Variants in AGBL4 observed in about 807,000 individuals in gnomAD.
The protein encoded by AGBL4 is AGBL carboxypeptidase 4.
A neutral mutation model predicts 66.4 loss-of-function variants in AGBL4; 58 were observed. The observed-to-expected ratio is 0.87, with a 90% CI of 0.71 to 1.09. The LOEUF is 1.09. Ranked by LOEUF, AGBL4 falls within the 50% of genes least tolerant of loss-of-function variation. The pLI is 0.00. For missense variants in AGBL4, 579 were observed against 631.0 expected, an observed-to-expected ratio of 0.92 and a Z score of 0.88; for synonymous variants, 234 against 222.9, an observed-to-expected ratio of 1.05 and a Z score of -0.44.
At chr1:48,788,113 C>T (rs1645452411) in intron 6 of AGBL4, among the ~76,000 whole-genome samples, 1 of 152,240 alleles carries the variant, frequency 6.6e-6, no homozygotes, top group African/African-American at 2.4e-5. Context: ...AAATCTATGA[C>T]TCTCAGTTTC....
At chr1:48,587,232 T>A (rs1417012679) in intron 10 of AGBL4, 66 bp from the exon 11 acceptor site, 3 of 1,473,188 alleles carry the variant, frequency 2.0e-6, no homozygotes, top group African/African-American at 2.8e-5. Flanking sequence ...GTGGGCAAAT[T>A]TTACAACACC....
chr1:48,770,978 C>A (rs1011691210), intron 6 of AGBL4, among the ~76,000 whole-genome samples: 10 of 152,204 alleles, frequency 6.6e-5, no homozygotes, highest in African/African-American at 2.4e-4. Context: ...CACTAAACAA[C>A]TGTTTGAATG....
At chr1:49,745,091 A>C (rs1650879949) in intron 2 of AGBL4, among the ~76,000 whole-genome samples, 1 of 152,128 alleles carries the variant, frequency 6.6e-6, no homozygotes, top group Non-Finnish European at 1.5e-5. Context: ...AAATGGATTA[A>C]GCACTCCAAT....
intron 6 of AGBL4, among the ~76,000 whole-genome samples, chr1:48,840,597 G>C (rs1161771980): frequency 2.6e-5 from 4 of 152,096 alleles, no homozygotes; most frequent in Non-Finnish European, 5.9e-5. Flanking sequence ...CAATTAGACT[G>C]GTGAGAATAA....
intron 5 of AGBL4, among the ~76,000 whole-genome samples, chr1:48,874,183 G>A (rs922004895): frequency 1.6e-4 from 24 of 152,256 alleles, no homozygotes; most frequent in Admixed American, 7.2e-4. Context: ...AGGCGCCACA[G>A]GGGCATAAGC....
intron 6 of AGBL4, among the ~76,000 whole-genome samples, chr1:48,823,432 T>G (rs1646358716): frequency 6.6e-6 from 1 of 152,234 alleles, no homozygotes; most frequent in South Asian, 2.1e-4. Context: ...GACTGAGTAC[T>G]CTGGTGATTT....
Position 49,335,160 on chromosome 1 carries a change from A to G in AGBL4, c.283-89296T>C, listed in dbSNP as rs910828540. 3.9e-5 allele frequency among the ~76,000 whole-genome samples: 6 copies of G among 152,194 alleles called. No individual in the cohort carries two copies. The East Asian group carries it at 9.6e-4, about 24-fold the overall frequency. ...ATCTGCTTCTCCCACAGCCTTCTCC[A>G]TTTCAGTAACTGACACGACACAACC... On this transcript the variant is annotated intron_variant, in intron 3 of 13. Transcript: ENST00000371839.
At chr1:49,409,627 G>T (rs746930545) in intron 3 of AGBL4, among the ~76,000 whole-genome samples, 1 of 152,044 alleles carries the variant, frequency 6.6e-6, no homozygotes, top group Non-Finnish European at 1.5e-5. Context: ...TTACTCTGGC[G>T]CTGACTATCT....
chr1:49,707,567 T>G (rs1447154006), intron 2 of AGBL4, among the ~76,000 whole-genome samples: 1 of 152,082 alleles, frequency 6.6e-6, no homozygotes, highest in South Asian at 2.1e-4. Flanking sequence ...AGGTTAGTAT[T>G]GTAATATGTG....
chr1:48,612,908 C>A (rs576207913), intron 9 of AGBL4, among the ~76,000 whole-genome samples: 2 of 152,158 alleles, frequency 1.3e-5, no homozygotes, highest in Middle Eastern at 3.4e-3. Flanking sequence ...CCAAGGCGGG[C>A]GGATCACCTG....
intron 3 of AGBL4, among the ~76,000 whole-genome samples, chr1:49,362,080 T>C (rs1644148836): frequency 6.6e-6 from 1 of 152,306 alleles, no homozygotes; most frequent in Non-Finnish European, 1.5e-5. Context: ...TCAACCTTGA[T>C]TTTTCCCATT....
At chr1:49,939,208 C>G (rs1267577558) in intron 1 of AGBL4, among the ~76,000 whole-genome samples, 1 of 151,270 alleles carries the variant, frequency 6.6e-6, no homozygotes, top group African/African-American at 2.4e-5. Context: ...AAAGAGGATA[C>G]AAACAAATGG....
intron 5 of AGBL4, among the ~76,000 whole-genome samples, chr1:48,949,738 T>G (rs1301172499): frequency 2.6e-5 from 4 of 152,108 alleles, no homozygotes; most frequent in Non-Finnish European, 5.9e-5. Flanking sequence ...TGGCCAATGC[T>G]CCATCCCCAA....
chr1:49,862,226 T>A (rs2148087722), intron 1 of AGBL4, among the ~76,000 whole-genome samples: 1 of 151,872 alleles, frequency 6.6e-6, no homozygotes, highest in South Asian at 2.1e-4. Context: ...AAGCAGAAAT[T>A]CTAAAGCTGA....
At chr1:50,022,614 C>CCACACA (rs10588611) in intron 1 of AGBL4, among the ~76,000 whole-genome samples, 34 of 141,304 alleles carry the variant, frequency 2.4e-4, no homozygotes, top group South Asian at 4.9e-4. Flanking sequence ...TGTACCATAA[C>CCACACA]CACACACACA....
intron 4 of AGBL4, among the ~76,000 whole-genome samples, chr1:49,095,747 C>T (rs1645085572): frequency 1.3e-5 from 2 of 151,526 alleles, no homozygotes; most frequent in Non-Finnish European, 2.9e-5. Flanking sequence ...TAGAAGAAAA[C>T]CTAGGCAATA....
At chr1:49,499,614 CT>C (rs1451466547) in intron 3 of AGBL4, among the ~76,000 whole-genome samples, 2 of 151,626 alleles carry the variant, frequency 1.3e-5, no homozygotes, top group African/African-American at 4.8e-5. Flanking sequence ...CATATGATAT[CT>C]GGTTTTCCAT....
At chr1:48,554,822 G>A (rs1644297775) in intron 11 of AGBL4, among the ~76,000 whole-genome samples, 1 of 152,232 alleles carries the variant, frequency 6.6e-6, no homozygotes, top group African/African-American at 2.4e-5. Context: ...GTTAGCAAGC[G>A]GACGGTTAGG....
chr1:48,574,383 C>T (rs999113713), intron 11 of AGBL4, among the ~76,000 whole-genome samples: 6 of 152,110 alleles, frequency 3.9e-5, no homozygotes, highest in South Asian at 2.1e-4. Flanking sequence ...CTCATCTCTA[C>T]GGATTGCTGT....
Sources: allele counts gnomAD v4.1 joint callset (sites outside exome capture counted in the v4.1 genomes callset), GRCh38; gene constraint gnomAD v4.1.1; transcripts MANE v1.5; gene names NCBI Gene and HGNC (gene_info 2026-07-23, HGNC 2026-07-21).